The following GALNTL6 variants were observed in gnomAD, a reference collection of about 807,000 sequenced individuals.
GALNTL6 encodes the protein polypeptide N-acetylgalactosaminyltransferase-like 6.
Under a neutral mutation model 73.7 loss-of-function variants are expected in GALNTL6, and 46 were observed. That is an observed-to-expected ratio of 0.62 (90% CI 0.49 to 0.80). GALNTL6 has a LOEUF of 0.80. GALNTL6 is among the 30% of genes least tolerant of loss of function. The pLI is 0.00. For missense variants in GALNTL6, 604 were observed against 755.0 expected (o/e 0.80, Z 2.34); for synonymous variants, 259 against 263.7 (o/e 0.98, Z 0.17).
At chr4:172,288,336 C>A (rs899804193) in intron 3 of GALNTL6, among the ~76,000 whole-genome samples, 1 of 152,180 alleles carries the variant, frequency 6.6e-6, no homozygotes, top group Middle Eastern at 3.4e-3. Flanking sequence ...CGTGATCCGC[C>A]TGCCTCGGCC....
intron 5 of GALNTL6, among the ~76,000 whole-genome samples, chr4:172,744,840 C>CGTGTGTGTGTGTGT (rs3084334): frequency 6.7e-6 from 1 of 149,254 alleles, no homozygotes; most frequent in Non-Finnish European, 1.5e-5. Context: ...AGTGCGCGTG[C>CGTGTGTGTGTGTGT]GTGTGTGTGT....
At chr4:171,960,685 A>AT (rs1421656118) in intron 2 of GALNTL6, among the ~76,000 whole-genome samples, 4 of 99,704 alleles carry the variant, frequency 4.0e-5, no homozygotes, top group Admixed American at 9.8e-5. Context: ...GACTGTCTTT[A>AT]TTTAAAAAAA....
intron 3 of GALNTL6, among the ~76,000 whole-genome samples, chr4:172,287,593 T>C (rs754400656): frequency 6.6e-6 from 1 of 152,184 alleles, no homozygotes; most frequent in Non-Finnish European, 1.5e-5. Context: ...GCCAAGTCTT[T>C]CAGACCAGGG....
At chr4:172,386,953 T>A (rs1743494296) in intron 5 of GALNTL6, among the ~76,000 whole-genome samples, 1 of 152,144 alleles carries the variant, frequency 6.6e-6, no homozygotes, top group Admixed American at 6.5e-5. Flanking sequence ...CCATCTGAGT[T>A]TCCTTTTCAG....
At chr4:172,089,339 T>C (rs1182833252) in intron 2 of GALNTL6, among the ~76,000 whole-genome samples, 1 of 152,148 alleles carries the variant, frequency 6.6e-6, no homozygotes, top group Non-Finnish European at 1.5e-5. Context: ...CATCTTCAGT[T>C]GGAGGAGGGC....
intron 2 of GALNTL6, among the ~76,000 whole-genome samples, chr4:172,063,227 C>G (rs1205628049): frequency 6.6e-6 from 1 of 152,180 alleles, no homozygotes; most frequent in Non-Finnish European, 1.5e-5. Flanking sequence ...TCACTTTCTT[C>G]AATTAGCTTG....
chr4:171,861,683 C>A (rs2110879692), intron 2 of GALNTL6, among the ~76,000 whole-genome samples: 1 of 152,254 alleles, frequency 6.6e-6, no homozygotes, highest in African/African-American at 2.4e-5. Flanking sequence ...TTATTTATAT[C>A]ATCCACAGAA....
chr4:172,403,390 T>G (rs1017798128), intron 5 of GALNTL6, among the ~76,000 whole-genome samples: 1 of 152,058 alleles, frequency 6.6e-6, no homozygotes, highest in Non-Finnish European at 1.5e-5. Flanking sequence ...ACAGGTATAT[T>G]TGGCCGTACA....
At position 172,309,128 on chromosome 4, in the gene GALNTL6, G is replaced by T. The variant is rs192507724; in HGVS notation, c.248-2486G>T. Among the ~76,000 whole-genome samples, 31 of 152,110 alleles carry T rather than the reference G, an allele frequency of 2.0e-4. No homozygotes were observed. In the East Asian group the frequency reaches 5.0e-3, roughly 25 times the overall value. ...TTTTTGGGGCCAAATGTCATTTAAA[G>T]ATTTTTGTTTCTTTTCCTTTGATTG... On this transcript the variant is annotated intron_variant, in intron 3 of 12. Transcript: ENST00000506823.
chr4:172,184,079 C>T (rs551001033), intron 2 of GALNTL6, among the ~76,000 whole-genome samples: 6 of 152,274 alleles, frequency 3.9e-5, no homozygotes, highest in African/African-American at 7.2e-5. Flanking sequence ...CATGAGCCAC[C>T]GCATCCGGCC....
chr4:172,948,997 G>A (rs777445138), intron 9 of GALNTL6, among the ~76,000 whole-genome samples: 10 of 152,090 alleles, frequency 6.6e-5, no homozygotes, highest in Non-Finnish European at 1.3e-4. Flanking sequence ...GACTGCACCG[G>A]AATTAGTTAG....
chr4:172,125,237 T>C (rs1156396875), intron 2 of GALNTL6, among the ~76,000 whole-genome samples: 3 of 151,944 alleles, frequency 2.0e-5, no homozygotes, highest in East Asian at 3.9e-4. Flanking sequence ...CCTCAAGAAA[T>C]GAAATAATCT....
chr4:172,312,619 A>G (rs552989742), intron 4 of GALNTL6, among the ~76,000 whole-genome samples: 1 of 152,304 alleles, frequency 6.6e-6, no homozygotes, highest in East Asian at 1.9e-4. Flanking sequence ...ATCAAGGAAA[A>G]AAAATCAGGG....
chr4:172,455,435 G>T (rs1732360173), intron 5 of GALNTL6, among the ~76,000 whole-genome samples: 1 of 152,160 alleles, frequency 6.6e-6, no homozygotes, highest in South Asian at 2.1e-4. Context: ...CCCCTATGGA[G>T]CCCAGCAAGC....
At chr4:172,494,522 T>C (rs1734005404) in intron 5 of GALNTL6, among the ~76,000 whole-genome samples, 1 of 152,202 alleles carries the variant, frequency 6.6e-6, no homozygotes, top group African/African-American at 2.4e-5. Flanking sequence ...TTATTGAGTA[T>C]TGACTCACAT....
At chr4:172,314,775 A>G (rs981567116) in intron 4 of GALNTL6, among the ~76,000 whole-genome samples, 1 of 151,354 alleles carries the variant, frequency 6.6e-6, no homozygotes, top group Non-Finnish European at 1.5e-5. Context: ...GCCTGGCTAA[A>G]TTTTTTGTAT....
chr4:172,720,329 G>C (rs1432844986), intron 5 of GALNTL6, among the ~76,000 whole-genome samples: 1 of 152,146 alleles, frequency 6.6e-6, no homozygotes, highest in Non-Finnish European at 1.5e-5. Flanking sequence ...CGCAAGGCCA[G>C]AGTCCCCTGC....
intron 2 of GALNTL6, among the ~76,000 whole-genome samples, chr4:172,092,645 G>A (rs952045566): frequency 3.3e-5 from 5 of 151,736 alleles, no homozygotes; most frequent in Admixed American, 6.6e-5. Context: ...ATTTCAAAAC[G>A]CAAAAACTTT....
chr4:172,434,803 C>T (rs1361607722), intron 5 of GALNTL6, among the ~76,000 whole-genome samples: 2 of 152,080 alleles, frequency 1.3e-5, no homozygotes, highest in South Asian at 4.1e-4. Context: ...CAACTGTTTA[C>T]TACATTGCAT....
Sources: gnomAD v4.1 joint callset for allele counts (sites outside exome capture counted in the v4.1 genomes callset) on GRCh38, gnomAD v4.1.1 for gene constraint, MANE v1.5 for transcripts, NCBI Gene and HGNC (gene_info 2026-07-23, HGNC 2026-07-21) for gene names.